Variants in HDAC4 observed in about 807,000 individuals in gnomAD.
HDAC4 encodes histone deacetylase 4, also known as histone deacetylase A.
Under a neutral mutation model 135.1 loss-of-function variants are expected in HDAC4, and 16 were observed. The observed-to-expected ratio is 0.12, with a 90% CI of 0.08 to 0.18. The LOEUF is 0.18. Among genes scored for constraint, HDAC4 ranks in the 10% least tolerant of loss-of-function variants. The probability of loss-of-function intolerance (pLI) is 1.00; values close to 1 mark genes in which losing one functional copy is unlikely to be tolerated. For missense variants in HDAC4, 1,143 were observed against 1,511.8 expected, an observed-to-expected ratio of 0.76 and a Z score of 4.05; for synonymous variants, 685 against 653.4, an observed-to-expected ratio of 1.05 and a Z score of -0.74.
rs937315860 is a variant in HDAC4, at chr2:239,208,183, C to T, written c.95-18106G>A. ...TAAAAATACAAAAAAAAAAAATAGC[C>T]GGGTGCGGTCGTGGGTGCCTGTAGT... On this transcript the variant is annotated intron_variant, in intron 3 of 26. Transcript: ENST00000543185. Among the ~76,000 whole-genome samples the T allele has an allele frequency of 4.0e-4, 61 of 151,634 alleles. 1 individual carries two copies. Among genetic ancestry groups the T allele is most frequent in the African/African-American group, 1.4e-3 (58 of 41,328 alleles).
At chr2:239,294,504 G>A (rs1467960597) in intron 2 of HDAC4, among the ~76,000 whole-genome samples, 6 of 152,200 alleles carry the variant, frequency 3.9e-5, no homozygotes, top group Non-Finnish European at 8.8e-5. Context: ...CCCGTTGAAG[G>A]TGGAAAGGAG....
chr2:239,382,191 G>A (rs180813272), intron 1 of HDAC4, among the ~76,000 whole-genome samples: 2 of 152,212 alleles, frequency 1.3e-5, no homozygotes, highest in Non-Finnish European at 2.9e-5. Context: ...AATTAGGCAC[G>A]CTAATTGTTA....
chr2:239,192,256 G>A (rs1311133693), intron 3 of HDAC4, among the ~76,000 whole-genome samples: 1 of 119,786 alleles, frequency 8.3e-6, no homozygotes, highest in Non-Finnish European at 1.7e-5. Context: ...ACATAGGTGA[G>A]GACTGTTCCA....
intron 5 of HDAC4, among the ~76,000 whole-genome samples, chr2:239,176,101 G>C (rs544563821): frequency 6.6e-6 from 1 of 152,026 alleles, no homozygotes; most frequent in African/African-American, 2.4e-5. Flanking sequence ...CCTACTCCCC[G>C]TGTGCTGCCC....
At chr2:239,320,750 G>C (rs993475130) in intron 2 of HDAC4, among the ~76,000 whole-genome samples, 1 of 152,120 alleles carries the variant, frequency 6.6e-6, no homozygotes, top group Non-Finnish European at 1.5e-5. Flanking sequence ...GAACACATGT[G>C]CTACCGTAAG....
chr2:239,158,159 G>A (rs546653885), intron 6 of HDAC4, among the ~76,000 whole-genome samples: 20 of 152,042 alleles, frequency 1.3e-4, no homozygotes, highest in African/African-American at 3.4e-4. Flanking sequence ...TCTACCCCTC[G>A]TCTCACAATC....
intron 6 of HDAC4, 56 bp downstream of exon 6, chr2:239,163,747 A>C: frequency 1.9e-6 from 3 of 1,582,694 alleles, no homozygotes; most frequent in Non-Finnish European, 2.6e-6. Context: ...CGGCGATCAG[A>C]CAGTCCTCTG....
intron 24 of HDAC4, chr2:239,055,125 A>G (rs2106417437): frequency 2.6e-6 from 1 of 381,398 alleles, no homozygotes. Context: ...TGAACTTGGT[A>G]TCTGCCATCG....
chr2:239,212,666 G>C (rs1194957687), intron 3 of HDAC4, among the ~76,000 whole-genome samples: 1 of 152,226 alleles, frequency 6.6e-6, no homozygotes, highest in Non-Finnish European at 1.5e-5. Context: ...CGCCAGCATG[G>C]GCAGTAAACA....
intron 2 of HDAC4, among the ~76,000 whole-genome samples, chr2:239,241,017 G>A (rs766048716): frequency 5.9e-5 from 9 of 152,284 alleles, no homozygotes; most frequent in African/African-American, 2.2e-4. Context: ...CTTCACACTT[G>A]GGGAAATGGC....
At chr2:239,395,815 C>G (rs1328696623) in intron 1 of HDAC4, among the ~76,000 whole-genome samples, 1 of 151,384 alleles carries the variant, frequency 6.6e-6, no homozygotes, top group Admixed American at 6.6e-5. Context: ...CCGACCTCCA[C>G]ACACGTCTGG....
At chr2:239,364,614 C>A (rs1461731953) in intron 1 of HDAC4, among the ~76,000 whole-genome samples, 1 of 152,234 alleles carries the variant, frequency 6.6e-6, no homozygotes, top group Non-Finnish European at 1.5e-5. Flanking sequence ...AGAGCCTTCA[C>A]TTGCAGAAAG....
At chr2:239,377,837 T>C (rs111389803) in intron 1 of HDAC4, among the ~76,000 whole-genome samples, 21 of 152,118 alleles carry the variant, frequency 1.4e-4, no homozygotes, top group African/African-American at 4.8e-4. Context: ...CCAAGACTGA[T>C]CACCGCGCTG....
intron 16 of HDAC4, among the ~76,000 whole-genome samples, chr2:239,096,580 A>G: frequency 5.0e-5 from 1 of 19,896 alleles, no homozygotes. Context: ...ACCCCCCACG[A>G]ACACCTGCAC....
Position 239,354,562 on chromosome 2 carries a change from A to ATTTTTT in HDAC4, c.-219-1650_-219-1645dup, listed in dbSNP as rs566361037. ...TTTTCTTGATTTAATTAGTCTAGAA[A>ATTTTTT]TTTTTTTTTTTTTTTTTTTTTTTTT... is the stretch of plus-strand genomic sequence containing the variant. On this transcript the variant is annotated intron_variant, in intron 1 of 26. Coordinates refer to ENST00000543185, the MANE Select transcript of HDAC4 (RefSeq NM_001378414.1). 6.0e-4 allele frequency among the ~76,000 whole-genome samples: 46 copies of ATTTTTT among 76,588 alleles called. 1 individual carries two copies. The highest frequency in any genetic ancestry group is 1.3e-3 in the South Asian group (2 of 1,586). The allele number at this position is 76,588 out of a possible 152,430, so 50.2% of individuals were successfully genotyped here. A position where few individuals can be genotyped will look rare whatever the true frequency, so the allele number is the denominator to read the frequency against.
intron 6 of HDAC4, among the ~76,000 whole-genome samples, chr2:239,161,226 T>C (rs890375292): frequency 5.3e-5 from 8 of 152,240 alleles, no homozygotes; most frequent in African/African-American, 1.9e-4. Context: ...GAATATTTCC[T>C]TCCATTCTGT....
In HDAC4 at chr2:239,230,368, C is replaced by CAAAAAAAA. The variant is rs56105562; in HGVS notation, c.94+6217_94+6224dup. Reference sequence around the variant, plus strand: ...TAAAAATTAAAACAAAGCAAGCAAGCAAAAAAAAAAAAAAAAAAAAAAGCA... The same window carrying CAAAAAAAA: ...TAAAAATTAAAACAAAGCAAGCAAGCAAAAAAAAAAAAAAAAAAAAAAAAAAAAAAGCA... On this transcript the variant is annotated intron_variant, in intron 3 of 26. Transcript: ENST00000543185. 1.7e-3 allele frequency among the ~76,000 whole-genome samples: 134 copies of CAAAAAAAA among 79,304 alleles called. 2 individuals carry two copies. Among genetic ancestry groups the CAAAAAAAA allele is most frequent in the African/African-American group, 3.9e-3 (76 of 19,338 alleles). 52.0% of individuals were successfully genotyped at this position (79,304 alleles called of 152,430 possible). A position where few individuals can be genotyped will look rare whatever the true frequency, so the allele number is the denominator to read the frequency against.
chr2:239,097,956 G>A (rs904820824), intron 16 of HDAC4, among the ~76,000 whole-genome samples: 10 of 152,206 alleles, frequency 6.6e-5, no homozygotes, highest in African/African-American at 1.9e-4. Context: ...TAGGGAGCTC[G>A]TTTTCCAAAT....
At chr2:239,378,168 C>T (rs745416945) in intron 1 of HDAC4, among the ~76,000 whole-genome samples, 1 of 152,068 alleles carries the variant, frequency 6.6e-6, no homozygotes, top group African/African-American at 2.4e-5. Flanking sequence ...CCGGGAGACA[C>T]CTCTTGGACC....
Sources: gnomAD v4.1 joint callset for allele counts (sites outside exome capture counted in the v4.1 genomes callset) on GRCh38, gnomAD v4.1.1 for gene constraint, MANE v1.5 for transcripts, NCBI Gene and HGNC (gene_info 2026-07-23, HGNC 2026-07-21) for gene names.